The following ASIC2 variants were observed in gnomAD, a reference collection of about 807,000 sequenced individuals.
ASIC2 encodes the protein acid sensing ion channel subunit 2.
ASIC2 carries 25 observed loss-of-function variants against 57.3 expected under a neutral mutation model. The observed-to-expected ratio is 0.44, with a 90% CI of 0.32 to 0.61. The LOEUF (loss-of-function observed/expected upper bound fraction) is 0.61. Ranked by LOEUF, ASIC2 falls within the 20% of genes least tolerant of loss-of-function variation. ASIC2 has a pLI of 0.06. For missense variants in ASIC2, 641 were observed against 738.1 expected, an observed-to-expected ratio of 0.87 and a Z score of 1.52; for synonymous variants, 319 against 307.5, an observed-to-expected ratio of 1.04 and a Z score of -0.39.
At chr17:33,144,052 A>G (rs1358881910) in intron 1 of ASIC2, among the ~76,000 whole-genome samples, 1 of 152,030 alleles carries the variant, frequency 6.6e-6, no homozygotes, top group Non-Finnish European at 1.5e-5. Flanking sequence ...GGCAATAGTC[A>G]TATTATAAGA....
At chr17:33,903,515 AG>A (rs1377126176) in intron 1 of ASIC2, among the ~76,000 whole-genome samples, 4 of 152,236 alleles carry the variant, frequency 2.6e-5, no homozygotes, top group Admixed American at 2.0e-4. Flanking sequence ...TGCATATTAA[AG>A]GCTCTGACAA....
chr17:33,067,023 G>C (rs553035734), intron 3 of ASIC2, among the ~76,000 whole-genome samples: 1 of 152,174 alleles, frequency 6.6e-6, no homozygotes, highest in East Asian at 1.9e-4. Context: ...TTACCAAGCA[G>C]GCCTGAAGGA....
chr17:34,058,347 A>C (rs576013901), intron 1 of ASIC2, among the ~76,000 whole-genome samples: 1 of 152,266 alleles, frequency 6.6e-6, no homozygotes, highest in South Asian at 2.1e-4. Flanking sequence ...CAAGCTTATC[A>C]ACAGTAGATT....
chr17:33,649,761 A>G (rs1187982010), intron 1 of ASIC2, among the ~76,000 whole-genome samples: 3 of 152,238 alleles, frequency 2.0e-5, no homozygotes, highest in African/African-American at 7.2e-5. Context: ...GAATTGCAGA[A>G]GCAATTCAGT....
chr17:33,512,539 T>C (rs947630600), intron 1 of ASIC2, among the ~76,000 whole-genome samples: 2 of 151,850 alleles, frequency 1.3e-5, no homozygotes, highest in African/African-American at 4.8e-5. Context: ...TTTAGAAAAA[T>C]AAAAGGAGAA....
chr17:33,985,230 G>C (rs1905774327), intron 1 of ASIC2, among the ~76,000 whole-genome samples: 2 of 152,148 alleles, frequency 1.3e-5, no homozygotes, highest in African/African-American at 4.8e-5. Flanking sequence ...ATGAGCACTT[G>C]GGAAATGATC....
At chr17:34,042,989 GGAT>G (rs895845462) in intron 1 of ASIC2, among the ~76,000 whole-genome samples, 3 of 152,138 alleles carry the variant, frequency 2.0e-5, no homozygotes, top group Admixed American at 1.3e-4. Context: ...ACAGCAACAT[GGAT>G]GATTGTCACA....
chr17:33,107,400 T>G (rs903609916), intron 2 of ASIC2, among the ~76,000 whole-genome samples: 1 of 152,226 alleles, frequency 6.6e-6, no homozygotes, highest in Non-Finnish European at 1.5e-5. Context: ...GTGTTTAATA[T>G]TTTTTAACCA....
intron 1 of ASIC2, among the ~76,000 whole-genome samples, chr17:33,905,960 G>A (rs186900014): frequency 1.3e-5 from 2 of 151,932 alleles, no homozygotes; most frequent in Admixed American, 1.3e-4. Flanking sequence ...TGGGACTATA[G>A]GCACAAGCCA....
At chr17:33,405,779 G>T (rs1182334137) in intron 1 of ASIC2, among the ~76,000 whole-genome samples, 2 of 152,004 alleles carry the variant, frequency 1.3e-5, no homozygotes, top group Non-Finnish European at 2.9e-5. Flanking sequence ...ACCACACCGG[G>T]CCAAGACAGC....
At chr17:33,470,407 C>T (rs954526332) in intron 1 of ASIC2, among the ~76,000 whole-genome samples, 2 of 152,136 alleles carry the variant, frequency 1.3e-5, no homozygotes, top group Non-Finnish European at 2.9e-5. Flanking sequence ...GTCTGATGAG[C>T]GTTTTTGGTT....
At chr17:33,852,259 G>A (rs556662121) in intron 1 of ASIC2, among the ~76,000 whole-genome samples, 5 of 152,216 alleles carry the variant, frequency 3.3e-5, no homozygotes, top group Non-Finnish European at 7.3e-5. Flanking sequence ...ACTCCTTCTT[G>A]AATCTTTTAG....
intron 1 of ASIC2, among the ~76,000 whole-genome samples, chr17:33,395,286 G>A (rs534494919): frequency 6.6e-6 from 1 of 152,010 alleles, no homozygotes; most frequent in South Asian, 2.1e-4. Context: ...TAACCGAGAC[G>A]GGCAATTTAC....
At chr17:33,765,464 C>G (rs1910907820) in intron 1 of ASIC2, among the ~76,000 whole-genome samples, 2 of 152,132 alleles carry the variant, frequency 1.3e-5, no homozygotes, top group African/African-American at 4.8e-5. Flanking sequence ...TCTGACAAAC[C>G]AACCTTATCA....
chr17:33,388,126 C>CA (rs1170144259), intron 1 of ASIC2, among the ~76,000 whole-genome samples: 6 of 151,878 alleles, frequency 4.0e-5, no homozygotes, highest in African/African-American at 2.4e-5. Context: ...AACAACAAAA[C>CA]AAACAAATTA....
chr17:33,431,059 A>G (rs989426162), intron 1 of ASIC2, among the ~76,000 whole-genome samples: 1 of 152,164 alleles, frequency 6.6e-6, no homozygotes, highest in Non-Finnish European at 1.5e-5. Context: ...CAGATCTGAG[A>G]AAAAGAGAAT....
intron 1 of ASIC2, among the ~76,000 whole-genome samples, chr17:33,671,824 A>G (rs766848890): frequency 3.3e-5 from 5 of 152,190 alleles, no homozygotes; most frequent in Non-Finnish European, 7.3e-5. Context: ...AAATGGAACC[A>G]TCTATCTTTT....
At chr17:33,799,637 G>A (rs557035277) in intron 1 of ASIC2, among the ~76,000 whole-genome samples, 1 of 151,024 alleles carries the variant, frequency 6.6e-6, no homozygotes, top group South Asian at 2.1e-4. Flanking sequence ...TGGGATCAGG[G>A]CATATGAGAT....
chr17:33,665,565 T>C (rs1907445036), intron 1 of ASIC2, among the ~76,000 whole-genome samples: 1 of 152,164 alleles, frequency 6.6e-6, no homozygotes, highest in Admixed American at 6.5e-5. Flanking sequence ...GCAAAGCAAA[T>C]GTGGCTGCCA....
Sources: gnomAD v4.1 joint callset for allele counts (sites outside exome capture counted in the v4.1 genomes callset) on GRCh38, gnomAD v4.1.1 for gene constraint, MANE v1.5 for transcripts, NCBI Gene and HGNC (gene_info 2026-07-23, HGNC 2026-07-21) for gene names.